SHC3: variants seen among roughly 807,000 people sequenced by gnomAD.
SHC3 encodes SHC-transforming protein 3.
SHC3 carries 15 observed loss-of-function variants against 60.4 expected under a neutral mutation model. The ratio of observed to expected loss-of-function variants is 0.25; its 90% confidence interval spans 0.17 to 0.38. SHC3 has a LOEUF of 0.38. Among genes scored for constraint, SHC3 ranks in the 10% least tolerant of loss-of-function variants. The probability of loss-of-function intolerance (pLI) is 1.00; values close to 1 mark genes in which losing one functional copy is unlikely to be tolerated. For synonymous variants in SHC3, 294 were observed against 325.9 expected (o/e 0.90, Z 1.05); for missense variants, 677 against 786.1 (o/e 0.86, Z 1.66).
chr9:89,169,197 G>T (rs184324655), intron 1 of SHC3, among the ~76,000 whole-genome samples: 1 of 152,152 alleles, frequency 6.6e-6, no homozygotes, highest in Non-Finnish European at 1.5e-5. Flanking sequence ...CTCTGATGCT[G>T]GAAGAGGCCC....
At chr9:89,067,873 A>G (rs1825208925) in intron 5 of SHC3, among the ~76,000 whole-genome samples, 2 of 152,248 alleles carry the variant, frequency 1.3e-5, no homozygotes, top group South Asian at 2.1e-4. Flanking sequence ...AGTATAAATA[A>G]AAGAAGTTTA....
chr9:89,153,893 C>T (rs920540906), intron 1 of SHC3, among the ~76,000 whole-genome samples: 3 of 152,226 alleles, frequency 2.0e-5, no homozygotes, highest in Non-Finnish European at 4.4e-5. Context: ...TTCAGTGAGC[C>T]TCTGCCACCT....
chr9:89,057,232 C>G (rs1278612999), intron 6 of SHC3, among the ~76,000 whole-genome samples: 7 of 152,108 alleles, frequency 4.6e-5, no homozygotes, highest in Non-Finnish European at 1.0e-4. Context: ...GACGAGGGCT[C>G]CTCAATCTCT....
chr9:89,059,224 G>A (rs1010809646), intron 6 of SHC3, among the ~76,000 whole-genome samples: 4 of 147,660 alleles, frequency 2.7e-5, no homozygotes, highest in Non-Finnish European at 6.0e-5. Context: ...GAGGATGGTG[G>A]TGGAGGATGT....
At position 89,096,795 on chromosome 9, in the gene SHC3, T is replaced by G. The variant is rs372053305; in HGVS notation, c.545+15761A>C. Among the ~76,000 whole-genome samples the G allele has an allele frequency of 1.6e-4, 24 of 152,328 alleles. No individual in the cohort carries two copies. The East Asian group carries it at 1.9e-3, about 12-fold the overall frequency. ...TCTAGAGAGTGAAGGTCAGAGAGGCTGCTCATCATCCTAAAATGCACAGGA... is the reference window on the plus strand; with the variant it reads ...TCTAGAGAGTGAAGGTCAGAGAGGCGGCTCATCATCCTAAAATGCACAGGA... On this transcript the variant is annotated intron_variant, in intron 2 of 11. Transcript: ENST00000375835.
intron 2 of SHC3, among the ~76,000 whole-genome samples, chr9:89,088,005 G>C (rs1402197985): frequency 6.6e-6 from 1 of 151,832 alleles, no homozygotes. Flanking sequence ...TCTCTTGTGG[G>C]GAAAATCTAC....
At chr9:89,144,471 T>A (rs1826439546) in intron 1 of SHC3, among the ~76,000 whole-genome samples, 1 of 152,106 alleles carries the variant, frequency 6.6e-6, no homozygotes, top group African/African-American at 2.4e-5. Flanking sequence ...AATGATCTGG[T>A]CAGAGACCAC....
At chr9:89,067,216 A>G (rs899737594) in intron 5 of SHC3, among the ~76,000 whole-genome samples, 2 of 152,228 alleles carry the variant, frequency 1.3e-5, no homozygotes, top group Admixed American at 6.5e-5. Context: ...CAAGGATAAC[A>G]GCTTGTAATC....
chr9:89,148,956 T>C (rs1199182743), intron 1 of SHC3, among the ~76,000 whole-genome samples: 1 of 152,192 alleles, frequency 6.6e-6, no homozygotes, highest in East Asian at 1.9e-4. Flanking sequence ...GTTGGAGTCA[T>C]ACAGCCCTCA....
intron 11 of SHC3, among the ~76,000 whole-genome samples, chr9:89,029,097 A>G (rs892152187): frequency 1.3e-5 from 2 of 151,602 alleles, no homozygotes; most frequent in Non-Finnish European, 2.9e-5. Context: ...CCCAGAACAT[A>G]GAACATAATT....
chr9:89,094,494 A>G (rs1825671069), intron 2 of SHC3, among the ~76,000 whole-genome samples: 1 of 152,254 alleles, frequency 6.6e-6, no homozygotes, highest in Non-Finnish European at 1.5e-5. Flanking sequence ...GACATGCAAA[A>G]GGTAGGAAGA....
At chr9:89,146,049 C>T (rs568656313) in intron 1 of SHC3, among the ~76,000 whole-genome samples, 9 of 152,210 alleles carry the variant, frequency 5.9e-5, no homozygotes, top group Admixed American at 5.2e-4. Context: ...CTTCAGCATG[C>T]AGCTACAATA....
intron 11 of SHC3, among the ~76,000 whole-genome samples, chr9:89,014,317 C>T (rs1204641583): frequency 6.6e-6 from 1 of 152,208 alleles, no homozygotes; most frequent in Non-Finnish European, 1.5e-5. Context: ...CAGCCGCCTC[C>T]ACTCTGAGCC....
At chr9:89,083,696 A>G (rs961946826) in intron 2 of SHC3, among the ~76,000 whole-genome samples, 67 of 152,196 alleles carry the variant, frequency 4.4e-4, no homozygotes, top group Non-Finnish European at 1.6e-4. Context: ...GACCTGCTTC[A>G]TTATGGAGAC....
At chr9:89,065,433 G>T in intron 6 of SHC3, 96 bp downstream of exon 6, 1 of 1,283,288 alleles carries the variant, frequency 7.8e-7, no homozygotes, top group Non-Finnish European at 1.1e-6. Flanking sequence ...CTACTCATTT[G>T]TTGGGAGGGG....
At chr9:89,141,945 G>A (rs922378413) in intron 1 of SHC3, among the ~76,000 whole-genome samples, 6 of 152,136 alleles carry the variant, frequency 3.9e-5, no homozygotes, top group Non-Finnish European at 8.8e-5. Context: ...AAGTTCAGGT[G>A]GCCATTTGTC....
intron 6 of SHC3, among the ~76,000 whole-genome samples, chr9:89,056,894 G>A (rs769328183): frequency 1.3e-5 from 2 of 152,216 alleles, no homozygotes; most frequent in African/African-American, 2.4e-5. Context: ...AAAACTTATC[G>A]GGATCCATGC....
intron 11 of SHC3, among the ~76,000 whole-genome samples, chr9:89,017,705 C>A (rs1826120471): frequency 4.6e-5 from 7 of 152,104 alleles, no homozygotes; most frequent in Admixed American, 4.6e-4. Context: ...TCAGAGTGAA[C>A]AGGCAACCTA....
At chr9:89,170,953 C>T (rs1326434414) in intron 1 of SHC3, among the ~76,000 whole-genome samples, 1 of 152,122 alleles carries the variant, frequency 6.6e-6, no homozygotes, top group Non-Finnish European at 1.5e-5. Context: ...TTCCTGGAAC[C>T]AATCCCCCTC....
Sources: allele counts gnomAD v4.1 joint callset (sites outside exome capture counted in the v4.1 genomes callset), GRCh38; gene constraint gnomAD v4.1.1; transcripts MANE v1.5; gene names NCBI Gene and HGNC (gene_info 2026-07-23, HGNC 2026-07-21).